RAD51AP2: variants seen among roughly 807,000 people sequenced by gnomAD.
RAD51AP2 encodes the protein RAD51 associated protein 2.
In RAD51AP2, 67 loss-of-function variants were observed where a neutral mutation model predicts 85.5. The observed-to-expected ratio is 0.78, with a 90% CI of 0.64 to 0.96. RAD51AP2 has a LOEUF of 0.96. Ranked by LOEUF, RAD51AP2 falls within the 40% of genes least tolerant of loss-of-function variation. The pLI is 0.00. For missense variants in RAD51AP2, 1,307 were observed against 1,332.4 expected, an observed-to-expected ratio of 0.98 and a Z score of 0.30; for synonymous variants, 474 against 446.5, an observed-to-expected ratio of 1.06 and a Z score of -0.78.
upstream of RAD51AP2, among the ~76,000 whole-genome samples, chr2:17,522,188 T>C (rs1426372617): frequency 6.6e-6 from 1 of 152,052 alleles, no homozygotes; most frequent in Non-Finnish European, 1.5e-5. Context: ...TAATTTGACA[T>C]AGAAAGTTCC....
chr2:17,518,152 C>T lies in RAD51AP2; in HGVS notation c.264G>A (p.Ser88=), dbSNP rs1241113964. Residue 88 remains serine, a synonymous_variant, in exon 1 of 3, where the codon TCG becomes TCA. Coordinates refer to ENST00000399080, the MANE Select transcript of RAD51AP2 (RefSeq NM_001099218.3). ...TNAIFDNSTD[S]CVEKSVSGKQ... Reference sequence around the variant, plus strand: ...TCCCACTGACTGATTTCTCCACACACGAGTCTGTGGAGTTATCGAAAATAG... The same window carrying T: ...TCCCACTGACTGATTTCTCCACACATGAGTCTGTGGAGTTATCGAAAATAG... 1.2e-6 allele frequency: 2 copies of T among 1,614,210 alleles called. No individual in the cohort carries two copies. Among genetic ancestry groups the T allele is most frequent in the South Asian group, 1.1e-5 (1 of 91,088 alleles).
chr2:17,516,351 G>A lies in RAD51AP2; in HGVS notation c.2065C>T (p.Pro689Ser). Residue 689 changes from proline to serine, a missense_variant, in exon 1 of 3, where the codon CCC (proline) becomes TCC (serine). By Grantham distance (74) the Pro-to-Ser change is moderately conservative (BLOSUM62 -1). Coordinates refer to ENST00000399080, the MANE Select transcript of RAD51AP2 (RefSeq NM_001099218.3). ...ATGTCATCAAAGTCCATTAAAAGGG[G>A]AATTTTTTCATATGTTTCAAAAATC... is the stretch of plus-strand genomic sequence containing the variant. Reference protein sequence around the residue: ...FPIFETYEKIPLLMDFDDMDE... With the variant: ...FPIFETYEKISLLMDFDDMDE... 6.2e-7 allele frequency: 1 copy of A among 1,611,556 alleles called. No homozygotes were observed. The highest frequency in any genetic ancestry group is 8.5e-7 in the Non-Finnish European group (1 of 1,179,158).
chr2:17,515,732 T>C lies in RAD51AP2; in HGVS notation c.2684A>G (p.Tyr895Cys), dbSNP rs765083889. The change falls in exon 1 of 3, where the codon TAT (tyrosine) becomes TGT (cysteine). Residue 895 changes from tyrosine to cysteine, a missense_variant. By Grantham distance (194) the Tyr-to-Cys change is radical. Transcript: ENST00000399080. ...VEENKYVNQN[Y>C]VTNTNEYESI... The stretch of plus-strand genomic sequence containing the variant: ...CTCATATTCATTTGTATTTGTTACA[T>C]AATTTTGATTAACATATTTATTTTC... 2.4e-5 allele frequency: 38 copies of C among 1,597,174 alleles called. No homozygotes were observed. The highest frequency in any genetic ancestry group is 3.1e-5 in the Non-Finnish European group (36 of 1,171,644).
the RAD51AP2 span, among the ~76,000 whole-genome samples, chr2:17,531,432 C>T: frequency 6.6e-6 from 1 of 152,142 alleles, no homozygotes; most frequent in South Asian, 2.1e-4. Flanking sequence ...ACAATCTACA[C>T]AACCAGAATT....
rs1662716789 is a variant in RAD51AP2 at position 17,517,414 on chromosome 2, G to A, written c.1002C>T (p.Leu334=). 1.2e-6 allele frequency: 2 copies of A among 1,613,608 alleles called. No individual in the cohort carries two copies. The highest frequency in any genetic ancestry group is 1.3e-5 in the African/African-American group (1 of 75,036). Residue 334 remains leucine (L), a synonymous_variant, in exon 1 of 3, where the codon CTC becomes CTT. Transcript: ENST00000399080. The stretch of plus-strand genomic sequence containing the variant: ...TTCTCTTACAAGTATTTTGGCTACT[G>A]AGTGATGGGTAGTCATTTTCATAAC... ...SKCYENDYPS[L]SSQNTCKRKD...
At chr2:17,535,205 G>A in the RAD51AP2 span, among the ~76,000 whole-genome samples, 1 of 152,182 alleles carries the variant, frequency 6.6e-6, no homozygotes, top group African/African-American at 2.4e-5. Flanking sequence ...GCAAGACAAG[G>A]GAAGGATGAG....
rs539431575 is a variant in RAD51AP2 at position 17,518,160 on chromosome 2, T to G, written c.256A>C (p.Thr86Pro). The change falls in exon 1 of 3, where the codon ACA becomes CCA. Residue 86 changes from threonine to proline, a missense_variant. Physicochemically the swap from Thr to Pro is conservative, Grantham distance 38. Transcript: ENST00000399080. ...ACTGATTTCTCCACACACGAGTCTG[T>G]GGAGTTATCGAAAATAGCATTCGTT... Reference protein sequence around the residue: ...VSTNAIFDNSTDSCVEKSVSG... With the variant: ...VSTNAIFDNSPDSCVEKSVSG... The G allele has an allele frequency of 1.9e-6, 3 of 1,614,086 alleles. No individual in the cohort carries two copies. Among genetic ancestry groups the G allele is most frequent in the Non-Finnish European group, 2.5e-6 (3 of 1,180,038 alleles).
intron 2 of RAD51AP2, among the ~76,000 whole-genome samples, chr2:17,511,965 G>C (rs1475523616): frequency 6.6e-5 from 10 of 151,980 alleles, no homozygotes; most frequent in Non-Finnish European, 1.2e-4. Flanking sequence ...GAAACACAAA[G>C]GGATTGTTTA....
At chr2:17,519,655 T>C, upstream of RAD51AP2, among the ~76,000 whole-genome samples, 1 of 152,178 alleles carries the variant, frequency 6.6e-6, no homozygotes, top group Non-Finnish European at 1.5e-5. Flanking sequence ...TAAATTCCTC[T>C]AGAGAAATGT....
Position 17,516,978 on chromosome 2 carries a change from T to G in RAD51AP2, c.1438A>C (p.Asn480His). ...QTALITTVWL[N>H]GKGENDNTLQ... ...GTATTATCATTTTCTCCTTTACCAT[T>G]TAGCCAAACAGTCGTTATTAAAGCT... The change falls in exon 1 of 3, where the codon AAT becomes CAT. Residue 480 changes from asparagine to histidine, a missense_variant. This residue lies in a region of RAD51AP2 where 635 missense variants were observed against 643.6 expected (regional missense o/e 0.99). Coordinates refer to ENST00000399080, the MANE Select transcript of RAD51AP2 (RefSeq NM_001099218.3). 1 of 1,596,652 alleles carries G rather than the reference T, an allele frequency of 6.3e-7. No individual in the cohort carries two copies. The highest frequency in any genetic ancestry group is 8.5e-7 in the Non-Finnish European group (1 of 1,175,190).
chr2:17,516,316 A>C lies in RAD51AP2; in HGVS notation c.2100T>G (p.Ile700Met). 6.2e-7 allele frequency: 1 copy of C among 1,605,876 alleles called. No individual in the cohort carries two copies. The highest frequency in any genetic ancestry group is 8.5e-7 in the Non-Finnish European group (1 of 1,177,864). The change falls in exon 1 of 3, where the codon ATT (isoleucine) becomes ATG (methionine). Residue 700 changes from isoleucine (I) to methionine (M), a missense_variant. By Grantham distance (10) the Ile-to-Met change is conservative (BLOSUM62 1). This residue lies in a region of RAD51AP2 where 668 missense variants were observed against 671.0 expected (regional missense o/e 1.00). Coordinates refer to ENST00000399080, the MANE Select transcript of RAD51AP2 (RefSeq NM_001099218.3). ...GACAAGTAATTTCTCTTATTAAAGAAATTTCATCCATGTCATCAAAGTCCA... is the reference window on the plus strand; with the variant it reads ...GACAAGTAATTTCTCTTATTAAAGACATTTCATCCATGTCATCAAAGTCCA... ...LLMDFDDMDE[I>M]SLIREITCQN...
chr2:17,533,157 C>T, the RAD51AP2 span, among the ~76,000 whole-genome samples: 1 of 152,184 alleles, frequency 6.6e-6, no homozygotes. Flanking sequence ...ACAGCCATTA[C>T]CTGTACATGA....
At chr2:17,525,240 C>T in the RAD51AP2 span, among the ~76,000 whole-genome samples, 2 of 152,040 alleles carry the variant, frequency 1.3e-5, no homozygotes, top group South Asian at 2.1e-4. Flanking sequence ...CCCAGGATTT[C>T]TCTAATTATA....
chr2:17,518,395 C>G lies in RAD51AP2; in HGVS notation c.21G>C (p.Thr7=), dbSNP rs751088591. Residue 7 remains threonine (T), a synonymous_variant, in exon 1 of 3, where the codon ACG becomes ACC. Coordinates refer to ENST00000399080, the MANE Select transcript of RAD51AP2 (RefSeq NM_001099218.3). MSLPQP[T]PRMAELRKPT... is the part of the protein sequence containing the mutation. Reference sequence around the variant, plus strand: ...GCTTTCTGAGCTCGGCCATCCGCGGCGTGGGCTGAGGGAGAGACATGACAG... The same window carrying G: ...GCTTTCTGAGCTCGGCCATCCGCGGGGTGGGCTGAGGGAGAGACATGACAG... The G allele has an allele frequency of 1.9e-6, 3 of 1,612,538 alleles. No individual in the cohort carries two copies. Among genetic ancestry groups the G allele is most frequent in the Non-Finnish European group, 2.5e-6 (3 of 1,179,686 alleles).
At chr2:17,537,488 A>G in the RAD51AP2 span, among the ~76,000 whole-genome samples, 1 of 152,192 alleles carries the variant, frequency 6.6e-6, no homozygotes. Flanking sequence ...CCATTCTTCA[A>G]TTCCGGTCTC....
At chr2:17,518,585 C>T, upstream of RAD51AP2, 1 of 757,382 alleles carries the variant, frequency 1.3e-6, no homozygotes. Context: ...CCAGCCTCAG[C>T]CCCGCCCCGC....
At chr2:17,530,503 C>G in the RAD51AP2 span, among the ~76,000 whole-genome samples, 3 of 145,300 alleles carry the variant, frequency 2.1e-5, no homozygotes, top group Non-Finnish European at 1.5e-5. Context: ...ATTACTTGAG[C>G]CCAAGAGGTT....
chr2:17,527,938 C>A, the RAD51AP2 span, among the ~76,000 whole-genome samples: 75 of 152,308 alleles, frequency 4.9e-4, 1 homozygote, highest in African/African-American at 1.7e-3. Flanking sequence ...AACATCAGAA[C>A]TGCATTCTCC....
At chr2:17,530,360 A>T in the RAD51AP2 span, among the ~76,000 whole-genome samples, 1 of 152,136 alleles carries the variant, frequency 6.6e-6, no homozygotes, top group Non-Finnish European at 1.5e-5. Context: ...TGATCCTACA[A>T]GTTATTTTGG....
Sources: allele counts gnomAD v4.1 joint callset (sites outside exome capture counted in the v4.1 genomes callset), GRCh38; gene constraint gnomAD v4.1.1; regional missense constraint gnomAD v4.1.1; transcripts MANE v1.5; gene names NCBI Gene and HGNC (gene_info 2026-07-23, HGNC 2026-07-21).